Variants in FBXO32 observed in about 807,000 individuals in gnomAD.
The protein encoded by FBXO32 is F-box only protein 32.
In FBXO32, 15 loss-of-function variants were observed where a neutral mutation model predicts 48.3. That is an observed-to-expected ratio of 0.31 (90% CI 0.21 to 0.48). The LOEUF is 0.48. FBXO32 is among the 20% of genes least tolerant of loss of function. The probability of loss-of-function intolerance (pLI) is 0.99; values close to 1 mark genes in which losing one functional copy is unlikely to be tolerated. For missense variants in FBXO32, 309 were observed against 432.7 expected (o/e 0.71, Z 2.54); for synonymous variants, 154 against 165.9 (o/e 0.93, Z 0.55).
At chr8:123,523,094 T>A (rs1816994769) in intron 4 of FBXO32, among the ~76,000 whole-genome samples, 4 of 152,194 alleles carry the variant, frequency 2.6e-5, no homozygotes, top group Admixed American at 2.6e-4. Context: ...ATCAGAGACC[T>A]CTTCCTGTAG....
At chr8:123,534,890 ACT>A in intron 1 of FBXO32, 76 bp from the exon 2 acceptor site, 1 of 852,078 alleles carries the variant, frequency 1.2e-6, no homozygotes, top group Non-Finnish European at 1.9e-6. Flanking sequence ...TAAATAACTC[ACT>A]GAGTTATAAG....
Position 123,523,364 on chromosome 8 carries a change from G to A in FBXO32, c.372+8534C>T, listed in dbSNP as rs552647308. ...CTCAGCACTTTCGGAGGCCAAGACA[G>A]GTGGATTACAAGGTCAAGAGATAGA... On this transcript the variant is annotated intron_variant, in intron 4 of 8. Coordinates refer to ENST00000517956, the MANE Select transcript of FBXO32 (RefSeq NM_058229.4). 5.3e-5 allele frequency among the ~76,000 whole-genome samples: 8 copies of A among 152,284 alleles called. No individual in the cohort carries two copies. The South Asian group carries it at 1.7e-3, about 32-fold the overall frequency.
intron 6 of FBXO32, among the ~76,000 whole-genome samples, chr8:123,509,805 G>A (rs1200797516): frequency 6.6e-6 from 1 of 152,224 alleles, no homozygotes; most frequent in Non-Finnish European, 1.5e-5. Context: ...CAGAGCCAAG[G>A]AGGGTTGGGA....
At chr8:123,509,121 A>G (rs2130508274) in intron 6 of FBXO32, among the ~76,000 whole-genome samples, 1 of 152,176 alleles carries the variant, frequency 6.6e-6, no homozygotes, top group South Asian at 2.1e-4. Context: ...TGTTTCCTTC[A>G]TTCTTTATTA....
At chr8:123,538,724 C>T (rs1817356570) in intron 1 of FBXO32, among the ~76,000 whole-genome samples, 1 of 152,110 alleles carries the variant, frequency 6.6e-6, no homozygotes, top group South Asian at 2.1e-4. Flanking sequence ...CTCAAAGGAC[C>T]ACAGGTGGTC....
At position 123,540,579 on chromosome 8, in the gene FBXO32, G is replaced by C. The variant is rs1563929052; in HGVS notation, c.116+320C>G. Among the ~76,000 whole-genome samples the C allele has an allele frequency of 6.6e-6, 1 of 152,264 alleles. No homozygotes were observed. Among genetic ancestry groups the C allele is most frequent in the Non-Finnish European group, 1.5e-5 (1 of 68,054 alleles). On this transcript the variant is annotated intron_variant, in intron 1 of 8. Coordinates refer to ENST00000517956, the MANE Select transcript of FBXO32 (RefSeq NM_058229.4). This position sits in a 1 kb window ranked among gnomAD's most constrained non-coding sequence, Gnocchi z 6.4. ...TGTCCTTAAAGCAGGGACCACTAAA[G>C]CTGTGTGATTAAGTTTGAGCGAACG...
intron 4 of FBXO32, among the ~76,000 whole-genome samples, chr8:123,529,072 A>T (rs1243251301): frequency 6.6e-6 from 1 of 152,248 alleles, no homozygotes; most frequent in Non-Finnish European, 1.5e-5. Flanking sequence ...TAAGTTCTTC[A>T]TAAAAATAAC....
chr8:123,519,185 G>A (rs894440299), intron 4 of FBXO32, among the ~76,000 whole-genome samples: 1 of 152,160 alleles, frequency 6.6e-6, no homozygotes, highest in African/African-American at 2.4e-5. Context: ...TTTGCATGGA[G>A]GGCCAAATTT....
intron 4 of FBXO32, among the ~76,000 whole-genome samples, chr8:123,526,502 C>T (rs1817079911): frequency 6.6e-6 from 1 of 152,140 alleles, no homozygotes; most frequent in South Asian, 2.1e-4. Context: ...GCTGGGATTA[C>T]AGACGTGAGC....
chr8:123,504,780 G>T (rs749700951), intron 7 of FBXO32, 33 bp from the exon 8 acceptor site: 3 of 1,603,698 alleles, frequency 1.9e-6, no homozygotes, highest in Non-Finnish European at 1.7e-6. Flanking sequence ...GAAATGACAG[G>T]AGAGTTTGTC....
At chr8:123,507,390 C>A (rs2130504790) in intron 6 of FBXO32, among the ~76,000 whole-genome samples, 1 of 151,624 alleles carries the variant, frequency 6.6e-6, no homozygotes, top group South Asian at 2.1e-4. Context: ...GAATGAAGCC[C>A]AAATAATTAA....
At position 123,513,144 on chromosome 8, in the gene FBXO32, A is replaced by G; in HGVS notation, c.651+54T>C. On this transcript the variant is annotated intron_variant, in intron 6 of 8. Coordinates refer to ENST00000517956, the MANE Select transcript of FBXO32 (RefSeq NM_058229.4). This position sits in a 1 kb window ranked among gnomAD's most constrained non-coding sequence, Gnocchi z 4.3. The stretch of plus-strand genomic sequence containing the variant: ...ATTCAAAGTCTTGGCGAGTCTGTCC[A>G]GTATCCCTGTGGAGGGACCCACTGC... The G allele has an allele frequency of 6.4e-7, 1 of 1,570,918 alleles. No individual in the cohort carries two copies. The highest frequency in any genetic ancestry group is 1.1e-5 in the South Asian group (1 of 89,586).
Position 123,498,972 on chromosome 8 carries a change from T to C in FBXO32, c.*4401A>G, listed in dbSNP as rs1014524675. On this transcript the variant is annotated 3_prime_UTR_variant, in exon 9 of 9. Transcript: ENST00000517956. ...ATGCCCAATGCTGGGCAGTCTCCCA[T>C]GCCTTCCACAGTGAAGGGCTTGAGA... is the stretch of plus-strand genomic sequence containing the variant. The C allele has an allele frequency of 1.3e-5, 2 of 152,208 alleles. No homozygotes were observed. The highest frequency in any genetic ancestry group is 2.4e-5 in the African/African-American group (1 of 41,444). The allele number at this position is 152,208 out of a possible 1,614,324, so 9.4% of individuals were successfully genotyped here. A position where few individuals can be genotyped will look rare whatever the true frequency, so the allele number is the denominator to read the frequency against.
intron 3 of FBXO32, 97 bp from the exon 4 acceptor site, chr8:123,532,087 G>A (rs950369478): frequency 1.3e-5 from 20 of 1,544,736 alleles, no homozygotes; most frequent in South Asian, 3.7e-5. Context: ...GGATTTTGCC[G>A]AATGAGCTTG....
intron 4 of FBXO32, among the ~76,000 whole-genome samples, chr8:123,521,326 AC>A (rs986844611): frequency 2.0e-5 from 3 of 152,190 alleles, no homozygotes; most frequent in Non-Finnish European, 4.4e-5. Flanking sequence ...GAAACAGTTT[AC>A]CCGAATTTCC....
At chr8:123,524,063 A>G (rs1413653561) in intron 4 of FBXO32, among the ~76,000 whole-genome samples, 1 of 152,216 alleles carries the variant, frequency 6.6e-6, no homozygotes, top group Non-Finnish European at 1.5e-5. Flanking sequence ...TTGAGAGTGC[A>G]TGCTTAAGTT....
Position 123,525,826 on chromosome 8 carries a change from G to C in FBXO32, c.372+6072C>G, listed in dbSNP as rs1231585292. Among the ~76,000 whole-genome samples the C allele has an allele frequency of 6.6e-6, 1 of 152,160 alleles. No homozygotes were observed. The highest frequency in any genetic ancestry group is 1.5e-5 in the Non-Finnish European group (1 of 68,018). On this transcript the variant is annotated intron_variant, in intron 4 of 8. Transcript: ENST00000517956. The surrounding 1 kb of genome is among the most constrained non-coding windows in gnomAD (Gnocchi z 4.3). The stretch of plus-strand genomic sequence containing the variant: ...AAAGATGGAATTCGTAAACCACAAA[G>C]TAACAGATTTATAATTTGCTGGTTG...
In FBXO32 at chr8:123,498,854, C is replaced by G. The variant is rs1374838849; in HGVS notation, c.*4519G>C. On this transcript the variant is annotated 3_prime_UTR_variant, in exon 9 of 9. Transcript: ENST00000517956. ...GTTGTACTCACTGGAATGCCACATT[C>G]ACAACAGAATCAGAGGTCTGTGAAA... The G allele has an allele frequency of 6.6e-6, 1 of 152,192 alleles. No individual in the cohort carries two copies. Among genetic ancestry groups the G allele is most frequent in the Non-Finnish European group, 1.5e-5 (1 of 68,040 alleles). The allele number at this position is 152,192 out of a possible 1,614,324, so 9.4% of individuals were successfully genotyped here.
intron 4 of FBXO32, among the ~76,000 whole-genome samples, chr8:123,518,066 A>G (rs1375778232): frequency 2.0e-5 from 3 of 152,172 alleles, no homozygotes; most frequent in African/African-American, 7.2e-5. Context: ...GTATTCCAAT[A>G]AAACTTTATT....
Sources: allele counts gnomAD v4.1 joint callset (sites outside exome capture counted in the v4.1 genomes callset), GRCh38; gene constraint gnomAD v4.1.1; non-coding constraint Gnocchi (gnomAD v3.1); transcripts MANE v1.5; gene names NCBI Gene and HGNC (gene_info 2026-07-23, HGNC 2026-07-21).